The following PRSS16 variants were observed in gnomAD, a reference collection of about 807,000 sequenced individuals.
The protein encoded by PRSS16 is serine protease 16.
Under a neutral mutation model 61.7 loss-of-function variants are expected in PRSS16, and 43 were observed. The ratio of observed to expected loss-of-function variants is 0.70; its 90% CI spans 0.55 to 0.90. The LOEUF is 0.90. Ranked by LOEUF, PRSS16 falls within the 40% of genes least tolerant of loss-of-function variation. PRSS16 has a pLI of 0.00. For synonymous variants in PRSS16, 273 were observed against 285.2 expected (o/e 0.96, Z 0.43); for missense variants, 591 against 659.1 (o/e 0.90, Z 1.13).
intron 4 of PRSS16, among the ~76,000 whole-genome samples, chr6:27,250,418 C>T (rs1759850642): frequency 6.6e-6 from 1 of 152,158 alleles, no homozygotes. Flanking sequence ...GGAAATTTTT[C>T]CTCTCCTACC....
At position 27,248,966 on chromosome 6, in the gene PRSS16, G is replaced by A. The variant is rs749359634; in HGVS notation, c.337+20G>A. The A allele has an allele frequency of 1.3e-6, 2 of 1,587,598 alleles. No individual in the cohort carries two copies. Among genetic ancestry groups the A allele is most frequent in the East Asian group, 2.2e-5 (1 of 44,732 alleles). On this transcript the variant is annotated intron_variant, in intron 3 of 11. Coordinates refer to ENST00000230582, the MANE Select transcript of PRSS16 (RefSeq NM_005865.4). The stretch of plus-strand genomic sequence containing the variant: ...TGAGAGGTAAGAGGCAATGTTGGGG[G>A]AAAGGAGTTGGGATGCTGGTGGGGA...
rs770600496 is a variant in PRSS16 at position 27,255,334 on chromosome 6, TC to T, written c.*22del. Reference sequence around the variant, plus strand: ...AGTCTGAATCTCATACCCTTTCCACTCCCTGCATGGTCACCTCAGTCCTGGA... The same window carrying T: ...AGTCTGAATCTCATACCCTTTCCACTCCTGCATGGTCACCTCAGTCCTGGA... On this transcript the variant is annotated 3_prime_UTR_variant, in exon 12 of 12. Coordinates refer to ENST00000230582, the MANE Select transcript of PRSS16 (RefSeq NM_005865.4). The surrounding 1 kb of genome is among the most constrained non-coding windows in gnomAD (Gnocchi z 4.4). 6.3e-7 allele frequency: 1 copy of T among 1,589,446 alleles called. No individual in the cohort carries two copies. The highest frequency in any genetic ancestry group is 8.6e-7 in the Non-Finnish European group (1 of 1,162,550).
In PRSS16 at chr6:27,252,923, A is replaced by G; in HGVS notation, c.1124A>G (p.Tyr375Cys). ...LSGVGDRQWL[Y>C]QTCTEFGFYV... The stretch of plus-strand genomic sequence containing the variant: ...GGTGTGGGTGACCGGCAGTGGTTGT[A>G]TCAGACATGTACCGAGTTCGGCTTC... The change falls in exon 9 of 12, where the codon TAT (tyrosine) becomes TGT (cysteine). Residue 375 changes from tyrosine to cysteine, a missense_variant. Physicochemically the swap from Tyr to Cys is radical, Grantham distance 194. Transcript: ENST00000230582. The surrounding 1 kb of genome is among the most constrained non-coding windows in gnomAD (Gnocchi z 4.2). 1 of 1,614,150 alleles carries G rather than the reference A, an allele frequency of 6.2e-7. No homozygotes were observed. Among genetic ancestry groups the G allele is most frequent in the Non-Finnish European group, 8.5e-7 (1 of 1,180,032 alleles).
rs1417065846 is a variant in PRSS16, at chr6:27,247,745, T to A, written c.8T>A (p.Val3Asp). The change falls in exon 1 of 12, where the codon GTC (valine) becomes GAC (aspartate). Residue 3 changes from valine to aspartate, a missense_variant. Coordinates refer to ENST00000230582, the MANE Select transcript of PRSS16 (RefSeq NM_005865.4). ...AACAGAGTCCCGAACACCATGGCCG[T>A]CTGGCTTGCCCAGTGGCTGGGCCCT... Reference protein sequence around the residue: MAVWLAQWLGPLL... With the variant: MADWLAQWLGPLL... 1.9e-6 allele frequency: 3 copies of A among 1,576,612 alleles called. No individual in the cohort carries two copies. The East Asian group carries it at 7.0e-5, about 37-fold the overall frequency.
At chr6:27,254,582 G>A (rs5030968) in intron 9 of PRSS16, 111 bp from the exon 10 acceptor site, 29,081 of 1,047,634 alleles carry the variant, frequency 0.028, 950 homozygotes, top group African/African-American at 0.13. Context: ...ACTCCTCGAA[G>A]GGAGTATTAG....
Position 27,255,638 on chromosome 6 carries a change from A to G in PRSS16, c.*323A>G. The G allele has an allele frequency of 3.6e-6, 1 of 275,372 alleles. No homozygotes were observed. The highest frequency in any genetic ancestry group is 7.1e-6 in the Non-Finnish European group (1 of 141,680). 17.1% of individuals were successfully genotyped at this position (275,372 alleles called of 1,614,324 possible). A position where few individuals can be genotyped will look rare whatever the true frequency, so the allele number is the denominator to read the frequency against. On this transcript the variant is annotated 3_prime_UTR_variant, in exon 12 of 12. Transcript: ENST00000230582. The surrounding 1 kb of genome is among the most constrained non-coding windows in gnomAD (Gnocchi z 4.4). ...ATTCTGGTTCAAATTCTGCCACTCC[A>G]GCTCCTGGGTTAGGGGCTTTGCTGT...
intron 9 of PRSS16, 175 bp from the exon 10 acceptor site, chr6:27,254,518 A>G (rs571965565): frequency 1.1e-5 from 7 of 632,252 alleles, no homozygotes; most frequent in Non-Finnish European, 1.9e-5. Context: ...AGCCCTGATC[A>G]CTGTGGGCTA....
Position 27,249,177 on chromosome 6 carries a change from C to T in PRSS16, c.415C>T (p.Pro139Ser), listed in dbSNP as rs1431502788. The T allele has an allele frequency of 6.2e-7, 1 of 1,613,064 alleles. No homozygotes were observed. Among genetic ancestry groups the T allele is most frequent in the Non-Finnish European group, 8.5e-7 (1 of 1,179,888 alleles). ...LEHRFYGLSI[P>S]AGGLEMAQLR... ...ACACAGATTTTATGGCCTGAGTATA[C>T]CTGCTGGAGGCCTGGAAATGGCCCA... The change falls in exon 4 of 12, where the codon CCT becomes TCT. Residue 139 changes from proline to serine, a missense_variant. Transcript: ENST00000230582.
At position 27,251,151 on chromosome 6, in the gene PRSS16, G is replaced by C. The variant is rs374629730; in HGVS notation, c.669+32G>C. On this transcript the variant is annotated intron_variant, in intron 6 of 11. Coordinates refer to ENST00000230582, the MANE Select transcript of PRSS16 (RefSeq NM_005865.4). The surrounding 1 kb of genome is among the most constrained non-coding windows in gnomAD (Gnocchi z 5.6). ...ATGGCGGGCAGCAGGTGCGGGACGGGGAGGGGTCCCAGCGGGCGGAGTCCC... is the reference window on the plus strand; with the variant it reads ...ATGGCGGGCAGCAGGTGCGGGACGGCGAGGGGTCCCAGCGGGCGGAGTCCC... The C allele has an allele frequency of 5.0e-6, 8 of 1,614,046 alleles. No individual in the cohort carries two copies. Among genetic ancestry groups the C allele is most frequent in the Non-Finnish European group, 6.8e-6 (8 of 1,179,998 alleles).
At position 27,251,629 on chromosome 6, in the gene PRSS16, G is replaced by A; in HGVS notation, c.718-121G>A. On this transcript the variant is annotated intron_variant, in intron 7 of 11. Transcript: ENST00000230582. This position sits in a 1 kb window ranked among gnomAD's most constrained non-coding sequence, Gnocchi z 5.6. ...GGCGGGGGCCTGGGCCAAGAGCTAG[G>A]TCTGCACCCTCTGAGTCCCGCTAGG... The A allele has an allele frequency of 7.7e-7, 1 of 1,303,310 alleles. No homozygotes were observed. The allele number at this position is 1,303,310 out of a possible 1,614,324, so 80.7% of individuals were successfully genotyped here. A position where few individuals can be genotyped will look rare whatever the true frequency, so the allele number is the denominator to read the frequency against.
In PRSS16 at chr6:27,251,582, G is replaced by A; in HGVS notation, c.718-168G>A. ...CCGAGAAGGAGGGCTGCGAGGCAGGGGATTGGGGGCGGGGGCCTGGGGGCG... is the reference window on the plus strand; with the variant it reads ...CCGAGAAGGAGGGCTGCGAGGCAGGAGATTGGGGGCGGGGGCCTGGGGGCG... On this transcript the variant is annotated intron_variant, in intron 7 of 11. Transcript: ENST00000230582. This position sits in a 1 kb window ranked among gnomAD's most constrained non-coding sequence, Gnocchi z 5.6. 1.1e-6 allele frequency: 1 copy of A among 882,950 alleles called. No individual in the cohort carries two copies. The highest frequency in any genetic ancestry group is 2.8e-5 in the East Asian group (1 of 35,640). 54.7% of individuals were successfully genotyped at this position (882,950 alleles called of 1,614,324 possible). A position where few individuals can be genotyped will look rare whatever the true frequency, so the allele number is the denominator to read the frequency against.
At position 27,255,255 on chromosome 6, in the gene PRSS16, C is replaced by G. The variant is rs965733954; in HGVS notation, c.1485C>G (p.Phe495Leu). ...TTCCCACCTCCCCACAGAACATCTT[C>G]CAGCAGCTACAGACCTGGCTCAAGC... ...PSLRLGRQNI[F>L]QQLQTWLKLA... The change falls in exon 12 of 12, where the codon TTC (phenylalanine) becomes TTG (leucine). Residue 495 changes from phenylalanine (F) to leucine (L), a missense_variant. By Grantham distance (22) the Phe-to-Leu change is conservative (BLOSUM62 0). Coordinates refer to ENST00000230582, the MANE Select transcript of PRSS16 (RefSeq NM_005865.4). The surrounding 1 kb of genome is among the most constrained non-coding windows in gnomAD (Gnocchi z 4.4). 1 of 1,614,084 alleles carries G rather than the reference C, an allele frequency of 6.2e-7. No individual in the cohort carries two copies. The highest frequency in any genetic ancestry group is 8.5e-7 in the Non-Finnish European group (1 of 1,179,968).
intron 9 of PRSS16, chr6:27,254,404 G>T (rs1476451619): frequency 8.6e-6 from 3 of 348,050 alleles, no homozygotes; most frequent in Non-Finnish European, 1.0e-5. Context: ...TCTTTGTTTG[G>T]CTCAGTTCTA....
Position 27,250,373 on chromosome 6 carries a change from C to T in PRSS16, c.468-310C>T, listed in dbSNP as rs574675030. On this transcript the variant is annotated intron_variant, in intron 4 of 11. Coordinates refer to ENST00000230582, the MANE Select transcript of PRSS16 (RefSeq NM_005865.4). ...CCCTCCTTGAGTGCCCTCAACCCTT[C>T]CCTACATTTGTCAGGTTTTCATCTA... Among the ~76,000 whole-genome samples, 4 of 152,314 alleles carry T rather than the reference C, an allele frequency of 2.6e-5. No homozygotes were observed. The South Asian group carries it at 8.3e-4, about 32-fold the overall frequency.
At chr6:27,253,766 T>C (rs1215433109) in intron 9 of PRSS16, 3 of 204,614 alleles carry the variant, frequency 1.5e-5, no homozygotes, top group African/African-American at 7.0e-5. Context: ...ATACAAGCAA[T>C]ATTTCTCTCA....
chr6:27,250,932 A>C, intron 5 of PRSS16, 110 bp from the exon 6 acceptor site: 2 of 1,567,910 alleles, frequency 1.3e-6, no homozygotes, highest in Non-Finnish European at 1.7e-6. Flanking sequence ...ATTTTGCACA[A>C]GCTGTCCTCA....
rs368344133 is a variant in PRSS16, at chr6:27,248,063, C to T, written c.237+15C>T. The T allele has an allele frequency of 2.4e-5, 38 of 1,609,344 alleles. No individual in the cohort carries two copies. The Middle Eastern group carries it at 1.2e-3, about 49-fold the overall frequency. On this transcript the variant is annotated intron_variant, in intron 2 of 11. Transcript: ENST00000230582. Reference sequence around the variant, plus strand: ...CCTTCCTACAGGTGAGGCCGGGAGACGGGGAGTCCACTAACCATCCTGCCC... The same window carrying T: ...CCTTCCTACAGGTGAGGCCGGGAGATGGGGAGTCCACTAACCATCCTGCCC...
rs747013525 is a variant in PRSS16, at chr6:27,254,752, C to G, written c.1210C>G (p.Leu404Val). The change falls in exon 10 of 12, where the codon CTA becomes GTA. Residue 404 changes from leucine (L) to valine (V), a missense_variant. Coordinates refer to ENST00000230582, the MANE Select transcript of PRSS16 (RefSeq NM_005865.4). The stretch of plus-strand genomic sequence containing the variant: ...CCAGCTCCCAGCACTGCCCTCCCAG[C>G]TAGACCTATGTGAGCAGGTGTTTGG... ...FSQLPALPSQ[L>V]DLCEQVFGLS... 2.5e-6 allele frequency: 4 copies of G among 1,614,046 alleles called. No homozygotes were observed. The highest frequency in any genetic ancestry group is 3.3e-5 in the Admixed American group (2 of 60,030).
rs1018860203 is a variant in PRSS16 at position 27,255,417 on chromosome 6, G to A, written c.*102G>A. ...TTGTTTTGAAAGAAGAAACTCCCAGGAATTGGAATTCAGCACCTGTTCCGC... is the reference window on the plus strand; with the variant it reads ...TTGTTTTGAAAGAAGAAACTCCCAGAAATTGGAATTCAGCACCTGTTCCGC... On this transcript the variant is annotated 3_prime_UTR_variant, in exon 12 of 12. Coordinates refer to ENST00000230582, the MANE Select transcript of PRSS16 (RefSeq NM_005865.4). The surrounding 1 kb of genome is among the most constrained non-coding windows in gnomAD (Gnocchi z 4.4). 1.6e-6 allele frequency: 2 copies of A among 1,252,446 alleles called. No individual in the cohort carries two copies. Among genetic ancestry groups the A allele is most frequent in the Admixed American group, 2.3e-5 (1 of 43,554 alleles). 77.6% of individuals were successfully genotyped at this position (1,252,446 alleles called of 1,614,324 possible).
Sources: allele counts gnomAD v4.1 joint callset (sites outside exome capture counted in the v4.1 genomes callset), GRCh38; gene constraint gnomAD v4.1.1; non-coding constraint Gnocchi (gnomAD v3.1); transcripts MANE v1.5; gene names NCBI Gene and HGNC (gene_info 2026-07-23, HGNC 2026-07-21).